FARS2: variants seen among roughly 807,000 people sequenced by gnomAD.
FARS2 encodes phenylalanine--tRNA ligase, mitochondrial.
In FARS2, 40 loss-of-function variants were observed where a neutral mutation model predicts 46.4. The observed-to-expected ratio is 0.86, with a 90% CI of 0.67 to 1.12. The LOEUF (loss-of-function observed/expected upper bound fraction) is 1.12. FARS2 is among the 50% of genes most tolerant of loss of function. The probability of loss-of-function intolerance (pLI) is 0.00; values close to 1 mark genes in which losing one functional copy is unlikely to be tolerated. For missense variants in FARS2, 513 were observed against 567.9 expected, an observed-to-expected ratio of 0.90 and a Z score of 0.98; for synonymous variants, 234 against 214.9, an observed-to-expected ratio of 1.09 and a Z score of -0.78.
intron 6 of FARS2, chr6:5,665,154 T>C (rs12190311): frequency 0.41 from 61,971 of 152,034 alleles, 13,451 homozygotes; most frequent in East Asian, 0.65. Flanking sequence ...CATGAGACCA[T>C]TGTCCTGAGG....
chr6:5,446,076 A>G (rs1362016955), intron 4 of FARS2, among the ~76,000 whole-genome samples: 1 of 151,870 alleles, frequency 6.6e-6, no homozygotes, highest in African/African-American at 2.4e-5. Flanking sequence ...GGGGGCGGGC[A>G]CCTGTAGTCC....
chr6:5,320,288 A>G (rs1249426680), intron 1 of FARS2, among the ~76,000 whole-genome samples: 1 of 151,454 alleles, frequency 6.6e-6, no homozygotes, highest in Non-Finnish European at 1.5e-5. Context: ...TGCTCTCCAG[A>G]GAGATCAACA....
chr6:5,659,398 A>G (rs2150777398), intron 6 of FARS2, among the ~76,000 whole-genome samples: 1 of 152,330 alleles, frequency 6.6e-6, no homozygotes, highest in South Asian at 2.1e-4. Flanking sequence ...GGACAAATAA[A>G]AAAAGGCCCT....
chr6:5,547,524 A>C (rs1192545859), intron 5 of FARS2, among the ~76,000 whole-genome samples: 1 of 152,148 alleles, frequency 6.6e-6, no homozygotes, highest in Non-Finnish European at 1.5e-5. Context: ...GTTGAATTTC[A>C]CATCTGCTTT....
At chr6:5,355,769 G>A (rs954824897) in intron 1 of FARS2, among the ~76,000 whole-genome samples, 3 of 151,964 alleles carry the variant, frequency 2.0e-5, no homozygotes, top group Non-Finnish European at 4.4e-5. Context: ...TTAGAAAGTC[G>A]AATGGTAAAA....
chr6:5,522,615 C>G (rs1301625260), intron 4 of FARS2, among the ~76,000 whole-genome samples: 1 of 152,214 alleles, frequency 6.6e-6, no homozygotes, highest in Non-Finnish European at 1.5e-5. Flanking sequence ...CATCGCTATT[C>G]CAATGTCCTT....
chr6:5,736,303 A>T (rs1760942544), intron 6 of FARS2, among the ~76,000 whole-genome samples: 1 of 152,176 alleles, frequency 6.6e-6, no homozygotes, highest in South Asian at 2.1e-4. Flanking sequence ...GAAGTGACAC[A>T]CCATCACTTC....
chr6:5,692,017 G>A (rs1373310457), intron 6 of FARS2, among the ~76,000 whole-genome samples: 1 of 152,206 alleles, frequency 6.6e-6, no homozygotes, highest in East Asian at 1.9e-4. Context: ...CTGGTGTGCT[G>A]TTTGCTAAGA....
chr6:5,422,599 G>T (rs12524064), intron 3 of FARS2, among the ~76,000 whole-genome samples: 23,978 of 152,120 alleles, frequency 0.16, 2,557 homozygotes, highest in East Asian at 0.46. Context: ...AGATACGTGA[G>T]CTGTTGCAGT....
At chr6:5,655,688 TC>T (rs1561780658) in intron 6 of FARS2, among the ~76,000 whole-genome samples, 1 of 152,222 alleles carries the variant, frequency 6.6e-6, no homozygotes, top group Non-Finnish European at 1.5e-5. Context: ...AATACACATC[TC>T]CCCATTTCGT....
At chr6:5,488,130 C>A (rs1766889225) in intron 4 of FARS2, among the ~76,000 whole-genome samples, 1 of 152,164 alleles carries the variant, frequency 6.6e-6, no homozygotes, top group Non-Finnish European at 1.5e-5. Context: ...TCATCTTTTG[C>A]TTTCGTGTTA....
chr6:5,504,674 G>A (rs548524564), intron 4 of FARS2, among the ~76,000 whole-genome samples: 8 of 152,112 alleles, frequency 5.3e-5, no homozygotes, highest in Non-Finnish European at 7.4e-5. Flanking sequence ...TACCAGGACA[G>A]AATTCAAAAC....
intron 5 of FARS2, chr6:5,610,311 TAAA>T: frequency 2.3e-5 from 7 of 297,960 alleles, no homozygotes; most frequent in Admixed American, 4.8e-5. Context: ...CAATTCTTTT[TAAA>T]AAAAAAAAAA....
intron 3 of FARS2, among the ~76,000 whole-genome samples, chr6:5,411,107 A>AAAC (rs1257128037): frequency 1.3e-5 from 2 of 152,056 alleles, no homozygotes; most frequent in Admixed American, 6.6e-5. Context: ...CCCCCTGGCC[A>AAAC]AACAACAACA....
chr6:5,732,802 T>A (rs1449183685), intron 6 of FARS2, among the ~76,000 whole-genome samples: 1 of 147,470 alleles, frequency 6.8e-6, no homozygotes, highest in Non-Finnish European at 1.5e-5. Context: ...TAGGACCTTT[T>A]CATATCCTTC....
chr6:5,770,593 T>C (rs761387916), intron 6 of FARS2, among the ~76,000 whole-genome samples: 37 of 152,218 alleles, frequency 2.4e-4, no homozygotes, highest in Non-Finnish European at 4.9e-4. Context: ...CCCAGGGGTC[T>C]TTCTCATGAG....
Position 5,504,126 on chromosome 6 carries a change from G to A in FARS2, c.905-41054G>A, listed in dbSNP as rs529137719. On this transcript the variant is annotated intron_variant, in intron 4 of 6. Transcript: ENST00000274680. ...TTATAGGATGAGGGCCCAATGGTAG[G>A]TACACAAAATTTAATTTCAAAATTG... Among the ~76,000 whole-genome samples, 7 of 152,140 alleles carry A rather than the reference G, an allele frequency of 4.6e-5. No homozygotes were observed. In the South Asian group the frequency reaches 8.3e-4, roughly 18 times the overall value.
chr6:5,478,038 CAAA>C (rs1275230150), intron 4 of FARS2, among the ~76,000 whole-genome samples: 1 of 151,178 alleles, frequency 6.6e-6, no homozygotes, highest in African/African-American at 2.4e-5. Flanking sequence ...AACAAACAAA[CAAA>C]AAACAAACCA....
chr6:5,684,285 G>A (rs966092261), intron 6 of FARS2, among the ~76,000 whole-genome samples: 2 of 152,050 alleles, frequency 1.3e-5, no homozygotes, highest in Non-Finnish European at 2.9e-5. Context: ...CCACTGACAC[G>A]TCCCCGGCCC....
Sources: gnomAD v4.1 joint callset for allele counts (sites outside exome capture counted in the v4.1 genomes callset) on GRCh38, gnomAD v4.1.1 for gene constraint, MANE v1.5 for transcripts, NCBI Gene and HGNC (gene_info 2026-07-23, HGNC 2026-07-21) for gene names.